ZDHHC9: variants seen among roughly 807,000 people sequenced by gnomAD.
ZDHHC9 encodes zDHHC palmitoyltransferase 9.
A neutral mutation model predicts 26.6 loss-of-function variants in ZDHHC9; 3 were observed. That is an observed-to-expected ratio of 0.11 (90% CI 0.05 to 0.29). ZDHHC9 has a LOEUF of 0.29. Ranked by LOEUF, ZDHHC9 falls within the 10% of genes least tolerant of loss-of-function variation. The pLI is 1.00. For synonymous variants in ZDHHC9, 111 were observed against 109.4 expected, an observed-to-expected ratio of 1.01 and a Z score of -0.09; for missense variants, 146 against 296.4, an observed-to-expected ratio of 0.49 and a Z score of 3.73.
chrX:129,840,982 G>T (rs1372271524), intron 3 of ZDHHC9, among the ~76,000 whole-genome samples: 2 of 110,327 alleles, frequency 1.8e-5, no homozygotes, highest in Non-Finnish European at 3.8e-5. Context: ...GCTCTCAAAG[G>T]CCTCCTCACA....
rs983654474 is a variant in ZDHHC9 at position 129,807,751 on chromosome X, G to A, written c.979-1265C>T. On this transcript the variant is annotated intron_variant, in intron 10 of 10. Coordinates refer to ENST00000357166, the MANE Select transcript of ZDHHC9 (RefSeq NM_016032.4). ...GAAGAATCACTTGAACCCAGGAGGT[G>A]GAGGTTGCAGTGAGCCAAGATGGCG... 4.5e-5 allele frequency among the ~76,000 whole-genome samples: 5 copies of A among 111,905 alleles called. No homozygotes were observed. The Admixed American group carries it at 4.7e-4, about 11-fold the overall frequency.
intron 4 of ZDHHC9, among the ~76,000 whole-genome samples, chrX:129,825,241 G>A (rs773351621): frequency 1.8e-5 from 2 of 110,984 alleles, no homozygotes; most frequent in Non-Finnish European, 3.8e-5. Flanking sequence ...AGGCAGCCTG[G>A]GTGACAGAGC....
chrX:129,841,184 A>G (rs756815108), intron 3 of ZDHHC9, among the ~76,000 whole-genome samples: 2 of 111,902 alleles, frequency 1.8e-5, no homozygotes, highest in Non-Finnish European at 3.8e-5. Context: ...CAAGGCTGGT[A>G]CCAGACATAC....
intron 5 of ZDHHC9, chrX:129,823,430 T>C: frequency 5.0e-6 from 2 of 396,399 alleles, no homozygotes; most frequent in Non-Finnish European, 8.7e-6. Context: ...GTAAAGTTTA[T>C]TTTTCTCATT....
At chrX:129,842,684 C>A (rs1928409176) in intron 2 of ZDHHC9, among the ~76,000 whole-genome samples, 1 of 113,066 alleles carries the variant, frequency 8.8e-6, no homozygotes. Flanking sequence ...ACGCTCTGTG[C>A]ACATACGTGC....
intron 10 of ZDHHC9, among the ~76,000 whole-genome samples, chrX:129,807,638 G>A (rs1242816081): frequency 9.0e-6 from 1 of 110,579 alleles, no homozygotes; most frequent in Admixed American, 9.7e-5. Context: ...TGGCCAACAT[G>A]GCAAAACCCG....
intron 5 of ZDHHC9, chrX:129,823,361 T>A (rs1927934601): frequency 3.7e-6 from 1 of 271,074 alleles, no homozygotes; most frequent in Non-Finnish European, 6.5e-6. Context: ...CTCCTCCCAC[T>A]ATGTAAGGTG....
rs1169577900 is a variant in ZDHHC9 at position 129,810,965 on chromosome X, T to C, written c.918A>G (p.Glu306=). ...LDRRGILPLE[E]SGSRPPSTQE... ...GAGTACTGGGAGGTCGACTTCCACT[T>C]TCCTCCAGTGGCAAAATACCCCTTC... Residue 306 remains glutamate (E), a synonymous_variant, in exon 10 of 11, where the codon GAA becomes GAG. Transcript: ENST00000357166. The C allele has an allele frequency of 8.3e-7, 1 of 1,211,288 alleles. No homozygotes were observed. The highest frequency in any genetic ancestry group is 1.8e-5 in the South Asian group (1 of 56,940).
At chrX:129,819,172 C>CAAAAAAAAAAAAAA (rs10555509) in intron 5 of ZDHHC9, among the ~76,000 whole-genome samples, 1 of 36,078 alleles carries the variant, frequency 2.8e-5, no homozygotes, top group Non-Finnish European at 4.5e-5. Context: ...GCCTCCGTCT[C>CAAAAAAAAAAAAAA]AAAAAAAAAA....
At position 129,829,043 on chromosome X, in the gene ZDHHC9, C is replaced by G; in HGVS notation, c.266G>C (p.Ser89Thr). 8.3e-7 allele frequency: 1 copy of G among 1,211,819 alleles called. No individual in the cohort carries two copies. The highest frequency in any genetic ancestry group is 2.2e-5 in the Admixed American group (1 of 46,040). Residue 89 changes from serine to threonine, a missense_variant, in exon 4 of 11, where the codon AGT becomes ACT. Ser to Thr is a moderately conservative substitution (Grantham distance 58, BLOSUM62 1). Coordinates refer to ENST00000357166, the MANE Select transcript of ZDHHC9 (RefSeq NM_016032.4). ...CGCCCGAGGAATCACTCCAGGGTCACTGAAGCTGGTCCTCAACAGTGTAGC... is the reference window on the plus strand; with the variant it reads ...CGCCCGAGGAATCACTCCAGGGTCAGTGAAGCTGGTCCTCAACAGTGTAGC... ...SMATLLRTSFSDPGVIPRALP... is the reference protein window; with the variant it reads ...SMATLLRTSFTDPGVIPRALP...
intron 3 of ZDHHC9, among the ~76,000 whole-genome samples, chrX:129,833,155 T>A (rs1928185913): frequency 9.0e-6 from 1 of 111,472 alleles, no homozygotes; most frequent in African/African-American, 3.3e-5. Flanking sequence ...TTCTCCCTTG[T>A]GAATTTTATA....
At chrX:129,811,915 A>T (rs1927650635) in intron 8 of ZDHHC9, among the ~76,000 whole-genome samples, 1 of 111,916 alleles carries the variant, frequency 8.9e-6, no homozygotes, top group Non-Finnish European at 1.9e-5. Flanking sequence ...AAAAGTACAT[A>T]ATATAAACAC....
At chrX:129,819,388 G>T (rs746662534) in intron 5 of ZDHHC9, among the ~76,000 whole-genome samples, 1 of 109,233 alleles carries the variant, frequency 9.2e-6, no homozygotes, top group Non-Finnish European at 1.9e-5. Flanking sequence ...GATAATACAA[G>T]TAATACATGC....
In ZDHHC9 at chrX:129,823,853, G is replaced by T; in HGVS notation, c.329-16C>A. Reference sequence around the variant, plus strand: ...TTGGTAGCTTCTGTAAATCAATAAAGACAGTTAATATCACAGCTAGCCATC... The same window carrying T: ...TTGGTAGCTTCTGTAAATCAATAAATACAGTTAATATCACAGCTAGCCATC... On this transcript the variant is annotated splice_polypyrimidine_tract_variant and intron_variant, in intron 4 of 10. Transcript: ENST00000357166. 3 of 1,204,436 alleles carry T rather than the reference G, an allele frequency of 2.5e-6. No homozygotes were observed. Among genetic ancestry groups the T allele is most frequent in the Non-Finnish European group, 3.4e-6 (3 of 893,797 alleles).
intron 5 of ZDHHC9, chrX:129,823,126 T>C (rs1408464537): frequency 5.1e-5 from 6 of 117,843 alleles, no homozygotes; most frequent in Non-Finnish European, 8.8e-5. Flanking sequence ...ATACTAATTA[T>C]GTGAACTTAC....
In ZDHHC9 at chrX:129,816,510, C is replaced by G. The variant is rs185991321; in HGVS notation, c.488-1715G>C. ...GTTCAAGAGTCGACTGCACATAAAA[C>G]AAAAACAAAAAACAAACAAAAAGGA... On this transcript the variant is annotated intron_variant, in intron 5 of 10. Coordinates refer to ENST00000357166, the MANE Select transcript of ZDHHC9 (RefSeq NM_016032.4). 4.3e-3 allele frequency among the ~76,000 whole-genome samples: 478 copies of G among 110,498 alleles called. 2 individuals carry two copies. Among genetic ancestry groups the G allele is most frequent in the African/African-American group, 0.015 (453 of 30,470 alleles).
At chrX:129,813,399 A>G (rs775431847) in intron 7 of ZDHHC9, among the ~76,000 whole-genome samples, 7 of 111,678 alleles carry the variant, frequency 6.3e-5, no homozygotes, top group African/African-American at 2.3e-4. Flanking sequence ...CTGGTGGGGG[A>G]AAAAAAAGAG....
intron 2 of ZDHHC9, among the ~76,000 whole-genome samples, chrX:129,842,337 A>T (rs1928402087): frequency 8.9e-6 from 1 of 112,601 alleles, no homozygotes; most frequent in Non-Finnish European, 1.9e-5. Flanking sequence ...TGATCATCAC[A>T]GAACCTTGGA....
intron 4 of ZDHHC9, 126 bp from the exon 5 acceptor site, chrX:129,823,963 G>A (rs1391989285): frequency 1.7e-6 from 1 of 585,675 alleles, no homozygotes; most frequent in South Asian, 2.4e-5. Flanking sequence ...TTATAGACTA[G>A]ACACTCAACA....
Sources: gnomAD v4.1 joint callset for allele counts (sites outside exome capture counted in the v4.1 genomes callset) on GRCh38, gnomAD v4.1.1 for gene constraint, MANE v1.5 for transcripts, NCBI Gene and HGNC (gene_info 2026-07-23, HGNC 2026-07-21) for gene names.